The following PPP1R12B variants were observed in gnomAD, a reference collection of about 807,000 sequenced individuals.
The protein encoded by PPP1R12B is protein phosphatase 1 regulatory subunit 12B.
PPP1R12B carries 76 observed loss-of-function variants against 126.1 expected under a neutral mutation model. The ratio of observed to expected loss-of-function variants is 0.60; its 90% CI spans 0.50 to 0.73. The LOEUF (loss-of-function observed/expected upper bound fraction) is 0.73, where lower values mean the gene tolerates loss of function less well. Ranked by LOEUF, PPP1R12B falls within the 30% of genes least tolerant of loss-of-function variation. The probability of loss-of-function intolerance (pLI) is 0.00; values close to 1 mark genes in which losing one functional copy is unlikely to be tolerated. For synonymous variants in PPP1R12B, 356 were observed against 434.7 expected (o/e 0.82, Z 2.25); for missense variants, 1,052 against 1,205.1 (o/e 0.87, Z 1.88).
At chr1:202,511,050 A>G (rs1339115942) in intron 18 of PPP1R12B, among the ~76,000 whole-genome samples, 2 of 146,952 alleles carry the variant, frequency 1.4e-5, no homozygotes, top group African/African-American at 4.9e-5. Flanking sequence ...ATATCATAAT[A>G]TAATAATATA....
chr1:202,488,620 T>G lies in PPP1R12B; in HGVS notation c.1938T>G (p.Thr646=), dbSNP rs201406036. The G allele has an allele frequency of 5.2e-5, 84 of 1,606,538 alleles. No individual in the cohort carries two copies. Among genetic ancestry groups the G allele is most frequent in the Non-Finnish European group, 6.9e-5 (81 of 1,174,898 alleles). ...AAGCTCGGCAGACACGAAGGTCTAC[T>G]CAAGTGAGTGTGGCTTTTTTTAAAA... ...SRQARQTRRS[T]QGVTLTDLQE... Residue 646 remains threonine, a synonymous_variant, in exon 14 of 24, where the codon ACT becomes ACG. Transcript: ENST00000608999.
At chr1:202,512,275 C>T (rs970394150) in intron 18 of PPP1R12B, among the ~76,000 whole-genome samples, 1 of 152,156 alleles carries the variant, frequency 6.6e-6, no homozygotes. Flanking sequence ...CCCTTTATAC[C>T]TAGAGAGCAA....
chr1:202,534,793 T>A (rs1358890509), intron 18 of PPP1R12B, among the ~76,000 whole-genome samples: 1 of 152,040 alleles, frequency 6.6e-6, no homozygotes, highest in African/African-American at 2.4e-5. Context: ...GGAAGATAGG[T>A]AGAGATAAGT....
rs777818097 is a variant in PPP1R12B at position 202,584,319 on chromosome 1, T to C, written c.*3759T>C. ...GCTATCTGAGGCCACTAGTGAGATT[T>C]CAGATCTCTCTTTTGCAACATTTTA... On this transcript the variant is annotated 3_prime_UTR_variant, in exon 24 of 24. Transcript: ENST00000608999. 1 of 152,218 alleles carries C rather than the reference T, an allele frequency of 6.6e-6. No individual in the cohort carries two copies. Among genetic ancestry groups the C allele is most frequent in the Non-Finnish European group, 1.5e-5 (1 of 68,036 alleles). 9.4% of individuals were successfully genotyped at this position (152,218 alleles called of 1,614,324 possible). A position where few individuals can be genotyped will look rare whatever the true frequency, so the allele number is the denominator to read the frequency against.
chr1:202,495,592 T>C lies in PPP1R12B; in HGVS notation c.2358T>C (p.Asp786=), dbSNP rs560335032. ...DKNENEEADL[D]EQSSKRLSIR... The stretch of plus-strand genomic sequence containing the variant: ...CAGAGAATGAAGAAGCAGATTTGGA[T>C]GAGCAGTCCTCTAAGAGGCTGTCCA... Residue 786 remains aspartate (D), a synonymous_variant, in exon 17 of 24, where the codon GAT becomes GAC. Transcript: ENST00000608999. The C allele has an allele frequency of 4.0e-5, 64 of 1,614,118 alleles. No homozygotes were observed. In the South Asian group the frequency reaches 6.3e-4, roughly 16 times the overall value.
At chr1:202,354,170 A>G (rs1379062101) in intron 1 of PPP1R12B, among the ~76,000 whole-genome samples, 1 of 152,186 alleles carries the variant, frequency 6.6e-6, no homozygotes, top group Non-Finnish European at 1.5e-5. Context: ...GTAGCATCGT[A>G]TGAGTTTTGA....
intron 18 of PPP1R12B, among the ~76,000 whole-genome samples, chr1:202,517,139 A>G (rs1274583863): frequency 1.3e-5 from 2 of 152,364 alleles, no homozygotes; most frequent in East Asian, 1.9e-4. Context: ...ACAGTTGTGG[A>G]AAACAGCTCT....
rs187186428 is a variant in PPP1R12B, at chr1:202,508,243, T to C, written c.2490+11421T>C. 3.3e-3 allele frequency among the ~76,000 whole-genome samples: 501 copies of C among 152,348 alleles called. 3 individuals carry two copies. The highest frequency in any genetic ancestry group is 0.012 in the African/African-American group (488 of 41,584). ...TCTCTTCGTAGAGAAACCATAGTTT[T>C]GTAACCTAGTATGATCCTTTAAGGT... On this transcript the variant is annotated intron_variant, in intron 18 of 23. Coordinates refer to ENST00000608999, the MANE Select transcript of PPP1R12B (RefSeq NM_002481.4). The surrounding 1 kb of genome is among the most constrained non-coding windows in gnomAD (Gnocchi z 4.5).
intron 18 of PPP1R12B, among the ~76,000 whole-genome samples, chr1:202,528,118 A>G (rs1175573611): frequency 6.6e-6 from 1 of 152,198 alleles, no homozygotes; most frequent in Non-Finnish European, 1.5e-5. Flanking sequence ...TCCGTAAGAT[A>G]GCTAGGTCAC....
chr1:202,481,011 A>G (rs1219104635), intron 13 of PPP1R12B, among the ~76,000 whole-genome samples: 1 of 152,192 alleles, frequency 6.6e-6, no homozygotes, highest in African/African-American at 2.4e-5. Context: ...GGTTTTGGGT[A>G]AAACTGTTCT....
intron 18 of PPP1R12B, among the ~76,000 whole-genome samples, chr1:202,540,846 T>G (rs974113140): frequency 6.6e-6 from 1 of 152,220 alleles, no homozygotes; most frequent in African/African-American, 2.4e-5. Flanking sequence ...AGGAAATGTC[T>G]TGCTTAAAAG....
intron 23 of PPP1R12B, among the ~76,000 whole-genome samples, chr1:202,578,063 C>T (rs1689252108): frequency 6.6e-6 from 1 of 152,196 alleles, no homozygotes. Flanking sequence ...CTTTGTGGGG[C>T]TTCCCCCGCC....
At chr1:202,516,404 A>G (rs1682151056) in intron 18 of PPP1R12B, among the ~76,000 whole-genome samples, 1 of 152,236 alleles carries the variant, frequency 6.6e-6, no homozygotes, top group Non-Finnish European at 1.5e-5. Flanking sequence ...AATCACATCC[A>G]GTAGTTTGAG....
chr1:202,531,251 C>T (rs1347645427), intron 18 of PPP1R12B, among the ~76,000 whole-genome samples: 1 of 152,178 alleles, frequency 6.6e-6, no homozygotes, highest in Non-Finnish European at 1.5e-5. Flanking sequence ...GTAAATGAAG[C>T]TGTTATGAAT....
intron 23 of PPP1R12B, chr1:202,577,181 A>G (rs1689168752): frequency 6.6e-6 from 1 of 152,270 alleles, no homozygotes; most frequent in Non-Finnish European, 1.5e-5. Flanking sequence ...ATTGCCTGGT[A>G]CATGACCATA....
At chr1:202,382,386 A>G (rs1374776757) in intron 1 of PPP1R12B, among the ~76,000 whole-genome samples, 1 of 151,802 alleles carries the variant, frequency 6.6e-6, no homozygotes, top group African/African-American at 2.4e-5. Context: ...ACAAACCTGC[A>G]CGTTGTGCAC....
chr1:202,484,521 G>A (rs1311268823), intron 13 of PPP1R12B, among the ~76,000 whole-genome samples: 2 of 152,138 alleles, frequency 1.3e-5, no homozygotes, highest in South Asian at 2.1e-4. Flanking sequence ...GACTTACATA[G>A]CACCATTAAA....
intron 1 of PPP1R12B, among the ~76,000 whole-genome samples, chr1:202,366,345 T>C (rs917043698): frequency 2.6e-5 from 4 of 151,802 alleles, no homozygotes; most frequent in African/African-American, 9.7e-5. Context: ...ATGGCGAAGC[T>C]CCGTCTCTAC....
intron 12 of PPP1R12B, chr1:202,448,172 G>A (rs1334129005): frequency 1.3e-5 from 2 of 152,080 alleles, no homozygotes; most frequent in Non-Finnish European, 2.9e-5. Flanking sequence ...CTCTGTATCA[G>A]TTTTGGACCT....
Sources: allele counts gnomAD v4.1 joint callset (sites outside exome capture counted in the v4.1 genomes callset), GRCh38; gene constraint gnomAD v4.1.1; non-coding constraint Gnocchi (gnomAD v3.1); transcripts MANE v1.5; gene names NCBI Gene and HGNC (gene_info 2026-07-23, HGNC 2026-07-21).